The following ADAMTS17 variants were observed in gnomAD, a reference collection of about 807,000 sequenced individuals.
The protein encoded by ADAMTS17 is ADAM metallopeptidase with thrombospondin type 1 motif 17.
A neutral mutation model predicts 141.5 loss-of-function variants in ADAMTS17; 113 were observed. That is an observed-to-expected ratio of 0.80 (90% CI 0.69 to 0.93). The LOEUF (loss-of-function observed/expected upper bound fraction) is 0.93, where lower values mean the gene tolerates loss of function less well. ADAMTS17 is among the 40% of genes least tolerant of loss of function. The probability of loss-of-function intolerance (pLI) is 0.00; values close to 1 mark genes in which losing one functional copy is unlikely to be tolerated. For missense variants in ADAMTS17, 1,659 were observed against 1,517.9 expected (o/e 1.09, Z -1.54); for synonymous variants, 768 against 630.6 (o/e 1.22, Z -3.27).
Position 100,003,044 on chromosome 15 carries a change from C to T in ADAMTS17, c.2592-5455G>A, listed in dbSNP as rs923036103. Reference sequence around the variant, plus strand: ...CTCCCTCCTATGGTGCAATGGGCATCGCCAGATGGACTGATAAACTCTCAT... The same window carrying T: ...CTCCCTCCTATGGTGCAATGGGCATTGCCAGATGGACTGATAAACTCTCAT... On this transcript the variant is annotated intron_variant, in intron 18 of 21. Transcript: ENST00000268070. Among the ~76,000 whole-genome samples, 58 of 152,046 alleles carry T rather than the reference C, an allele frequency of 3.8e-4. 1 individual carries two copies. Among genetic ancestry groups the T allele is most frequent in the African/African-American group, 1.1e-3 (44 of 41,314 alleles).
chr15:100,034,675 C>T (rs547281249), intron 18 of ADAMTS17, among the ~76,000 whole-genome samples: 1 of 152,230 alleles, frequency 6.6e-6, no homozygotes, highest in Non-Finnish European at 1.5e-5. Flanking sequence ...ATTTAAGCCA[C>T]TAAGTCCCTC....
chr15:100,305,998 A>G (rs994437096), intron 3 of ADAMTS17: 1 of 155,554 alleles, frequency 6.4e-6, no homozygotes, highest in African/African-American at 2.4e-5. Flanking sequence ...CTGACACCAA[A>G]GCCTTCTCTA....
At chr15:100,195,745 A>G (rs2141614891) in intron 8 of ADAMTS17, among the ~76,000 whole-genome samples, 2 of 151,902 alleles carry the variant, frequency 1.3e-5, no homozygotes. Flanking sequence ...TTGGTCAGCC[A>G]GCAGCAGCTA....
chr15:100,341,726 C>A (rs943954215), intron 1 of ADAMTS17, 95 bp downstream of exon 1: 2 of 1,441,394 alleles, frequency 1.4e-6, no homozygotes, highest in Non-Finnish European at 1.8e-6. Context: ...TCAGCGGTCC[C>A]GCCGCCGCCC....
chr15:100,028,298 T>C (rs1410956586), intron 18 of ADAMTS17, among the ~76,000 whole-genome samples: 1 of 152,180 alleles, frequency 6.6e-6, no homozygotes, highest in African/African-American at 2.4e-5. Flanking sequence ...CATCCTCTAG[T>C]TGTGCCAGGG....
At chr15:100,117,718 G>A (rs2037226904) in intron 12 of ADAMTS17, among the ~76,000 whole-genome samples, 3 of 152,182 alleles carry the variant, frequency 2.0e-5, no homozygotes, top group Admixed American at 6.5e-5. Flanking sequence ...GCTCTGCCCT[G>A]TGCTTCTGCA....
At chr15:100,108,701 CCTA>C (rs2036557256) in intron 14 of ADAMTS17, among the ~76,000 whole-genome samples, 1 of 152,194 alleles carries the variant, frequency 6.6e-6, no homozygotes, top group Non-Finnish European at 1.5e-5. Context: ...TAGTACCCTG[CCTA>C]CCTTCGTCTT....
chr15:99,997,602 A>T lies in ADAMTS17; in HGVS notation c.2592-13T>A. 1 of 1,610,802 alleles carries T rather than the reference A, an allele frequency of 6.2e-7. No homozygotes were observed. Among genetic ancestry groups the T allele is most frequent in the Non-Finnish European group, 8.5e-7 (1 of 1,178,780 alleles). On this transcript the variant is annotated splice_polypyrimidine_tract_variant and intron_variant, in intron 18 of 21. Coordinates refer to ENST00000268070, the MANE Select transcript of ADAMTS17 (RefSeq NM_139057.4). This position sits in a 1 kb window ranked among gnomAD's most constrained non-coding sequence, Gnocchi z 4.7. ...GCCTGCCACCCACCTGCCAGACGGG[A>T]GGAAAGAGAGAGAGAACGACTGGGT...
chr15:100,106,477 T>C (rs2036421117), intron 14 of ADAMTS17, among the ~76,000 whole-genome samples: 2 of 152,304 alleles, frequency 1.3e-5, no homozygotes, highest in East Asian at 1.9e-4. Context: ...TTCATTGTCA[T>C]AGTATGGAAC....
intron 18 of ADAMTS17, among the ~76,000 whole-genome samples, chr15:100,026,202 C>T (rs8027656): frequency 0.059 from 9,043 of 152,262 alleles, 903 homozygotes; most frequent in African/African-American, 0.21. Flanking sequence ...ATTTGTGAGA[C>T]TGATCCAAGT....
Position 100,137,705 on chromosome 15 carries a change from A to T in ADAMTS17, c.1474-4390T>A, listed in dbSNP as rs1026804008. On this transcript the variant is annotated intron_variant, in intron 10 of 21. Coordinates refer to ENST00000268070, the MANE Select transcript of ADAMTS17 (RefSeq NM_139057.4). ...GGAAGCAAATACAAAACCCATACCC[A>T]GCTGTCTTTATACATATACACTACT... is the stretch of plus-strand genomic sequence containing the variant. Among the ~76,000 whole-genome samples, 4 of 152,218 alleles carry T rather than the reference A, an allele frequency of 2.6e-5. 1 individual carries two copies. In the South Asian group the frequency reaches 8.3e-4, roughly 32 times the overall value.
At chr15:100,051,494 G>A in intron 17 of ADAMTS17, 78 bp downstream of exon 17, 1 of 1,598,922 alleles carries the variant, frequency 6.3e-7, no homozygotes, top group African/African-American at 1.3e-5. Context: ...CTCACACTCT[G>A]CGTGCTGGCC....
At chr15:100,065,150 C>A (rs2033426237) in intron 15 of ADAMTS17, among the ~76,000 whole-genome samples, 2 of 152,028 alleles carry the variant, frequency 1.3e-5, no homozygotes, top group African/African-American at 4.8e-5. Context: ...CAGAATTGAC[C>A]TATACCACAT....
At chr15:100,065,656 T>C (rs2033464835) in intron 15 of ADAMTS17, among the ~76,000 whole-genome samples, 1 of 152,222 alleles carries the variant, frequency 6.6e-6, no homozygotes, top group African/African-American at 2.4e-5. Context: ...AAAAAGATTG[T>C]TACTGTGAGA....
chr15:100,261,141 G>C (rs977870618), intron 6 of ADAMTS17, among the ~76,000 whole-genome samples: 1 of 152,154 alleles, frequency 6.6e-6, no homozygotes, highest in Non-Finnish European at 1.5e-5. Context: ...GTAGAATCAA[G>C]GTAAGATGTG....
chr15:100,256,075 G>C (rs921902179), intron 6 of ADAMTS17, among the ~76,000 whole-genome samples: 1 of 152,242 alleles, frequency 6.6e-6, no homozygotes, highest in African/African-American at 2.4e-5. Flanking sequence ...TGCAGGGGCT[G>C]CTTTATCTCC....
chr15:100,109,469 A>C (rs939497123), intron 13 of ADAMTS17, among the ~76,000 whole-genome samples: 2 of 140,250 alleles, frequency 1.4e-5, no homozygotes, highest in African/African-American at 2.6e-5. Flanking sequence ...AGCCACTCTT[A>C]TAGCGAGGGT....
intron 13 of ADAMTS17, among the ~76,000 whole-genome samples, chr15:100,115,674 G>A (rs1389921579): frequency 6.6e-6 from 1 of 152,164 alleles, no homozygotes; most frequent in African/African-American, 2.4e-5. Context: ...TGCGACAGCA[G>A]AAGGCCAAAT....
At chr15:100,321,591 T>C (rs1360716056) in intron 3 of ADAMTS17, among the ~76,000 whole-genome samples, 1 of 152,076 alleles carries the variant, frequency 6.6e-6, no homozygotes, top group Non-Finnish European at 1.5e-5. Flanking sequence ...AGGACAAAAG[T>C]ATTGGCAGGG....
Sources: gnomAD v4.1 joint callset for allele counts (sites outside exome capture counted in the v4.1 genomes callset) on GRCh38, gnomAD v4.1.1 for gene constraint, Gnocchi (gnomAD v3.1) non-coding constraint, MANE v1.5 for transcripts, NCBI Gene and HGNC (gene_info 2026-07-23, HGNC 2026-07-21) for gene names.